Variants in CTCF observed in about 807,000 individuals in gnomAD.
CTCF encodes the protein CCCTC-binding factor.
In CTCF, 7 loss-of-function variants were observed where a neutral mutation model predicts 72.3. The ratio of observed to expected loss-of-function variants is 0.10; its 90% CI spans 0.06 to 0.18. CTCF has a LOEUF of 0.18. Ranked by LOEUF, CTCF falls within the 10% of genes least tolerant of loss-of-function variation. CTCF has a pLI of 1.00. For missense variants in CTCF, 516 were observed against 949.1 expected, an observed-to-expected ratio of 0.54 and a Z score of 6.00; for synonymous variants, 374 against 315.8, an observed-to-expected ratio of 1.18 and a Z score of -1.95.
intron 10 of CTCF, among the ~76,000 whole-genome samples, chr16:67,633,806 ACAC>A (rs1300616990): frequency 6.6e-6 from 1 of 151,772 alleles, no homozygotes; most frequent in African/African-American, 2.4e-5. Flanking sequence ...ACACACACAC[ACAC>A]ACACACTCTC....
At chr16:67,565,010 T>G (rs2051323529) in intron 1 of CTCF, among the ~76,000 whole-genome samples, 1 of 152,136 alleles carries the variant, frequency 6.6e-6, no homozygotes, top group African/African-American at 2.4e-5. Context: ...CAGACCTTTT[T>G]TTTTTTTTGA....
intron 10 of CTCF, among the ~76,000 whole-genome samples, chr16:67,631,167 T>TG (rs1372613289): frequency 1.8e-4 from 25 of 138,542 alleles, no homozygotes; most frequent in African/African-American, 4.4e-4. Context: ...TTTTTTTTGT[T>TG]TTTTGTTTTT....
chr16:67,620,530 T>C (rs931633878), intron 5 of CTCF, among the ~76,000 whole-genome samples, 167 bp from the exon 6 acceptor site: 1 of 152,212 alleles, frequency 6.6e-6, no homozygotes, highest in African/African-American at 2.4e-5. Flanking sequence ...ATGATATGGA[T>C]TCGAGAAGCA....
chr16:67,589,796 T>A (rs746666380), intron 2 of CTCF, among the ~76,000 whole-genome samples: 1 of 152,014 alleles, frequency 6.6e-6, no homozygotes, highest in Non-Finnish European at 1.5e-5. Context: ...TCCATTAACT[T>A]GAAAAAGAGC....
rs1489290410 is a variant in CTCF at position 67,621,514 on chromosome 16, T to C, written c.1280T>C (p.Leu427Ser). The change falls in exon 7 of 12, where the codon TTA becomes TCA. Residue 427 changes from leucine (L) to serine (S), a missense_variant. By Grantham distance (145) the Leu-to-Ser change is moderately radical. Coordinates refer to ENST00000264010, the MANE Select transcript of CTCF (RefSeq NM_006565.4). ...TQSGTMKMHI[L>S]QKHTENVAKF... ...AGTGGTACCATGAAGATGCACATTT[T>C]ACAGAAGCACACAGAAAATGTGGCC... 6.2e-7 allele frequency: 1 copy of C among 1,613,258 alleles called. No individual in the cohort carries two copies.
chr16:67,604,026 A>G (rs925972499), intron 2 of CTCF, among the ~76,000 whole-genome samples: 4 of 149,028 alleles, frequency 2.7e-5, no homozygotes, highest in Admixed American at 6.8e-5. Flanking sequence ...GCTACTCGGG[A>G]GGCTGAGGTG....
chr16:67,579,710 C>T, intron 2 of CTCF, among the ~76,000 whole-genome samples: 1 of 151,998 alleles, frequency 6.6e-6, no homozygotes, highest in Non-Finnish European at 1.5e-5. Context: ...AATCTTTTGC[C>T]ATTAGAGAAA....
At chr16:67,611,692 T>C in intron 3 of CTCF, 79 bp downstream of exon 3, 1 of 1,353,884 alleles carries the variant, frequency 7.4e-7, no homozygotes, top group Non-Finnish European at 1.0e-6. Context: ...GCAAGTTGTT[T>C]TATATTAACC....
intron 2 of CTCF, 124 bp from the exon 3 acceptor site, chr16:67,610,698 CTT>C: frequency 1.5e-6 from 1 of 645,918 alleles, no homozygotes; most frequent in Non-Finnish European, 2.4e-6. Flanking sequence ...TCTGTTGTGT[CTT>C]TTTTAATATT....
chr16:67,622,160 T>A (rs893566978), intron 7 of CTCF, among the ~76,000 whole-genome samples: 1 of 151,956 alleles, frequency 6.6e-6, no homozygotes, highest in Non-Finnish European at 1.5e-5. Flanking sequence ...ATCGAGACCA[T>A]TCTGGCTAAC....
At chr16:67,621,245 C>A in intron 6 of CTCF, 197 bp from the exon 7 acceptor site, 1 of 515,462 alleles carries the variant, frequency 1.9e-6, no homozygotes. Flanking sequence ...CTGGGCAGAG[C>A]AGAGGTGGCC....
chr16:67,609,165 A>G (rs1446744027), intron 2 of CTCF, among the ~76,000 whole-genome samples: 1 of 152,196 alleles, frequency 6.6e-6, no homozygotes, highest in Admixed American at 6.5e-5. Context: ...CCAGGAGTTC[A>G]AGGCCAGTCT....
chr16:67,621,368 C>A, intron 6 of CTCF, 74 bp from the exon 7 acceptor site: 5 of 1,140,158 alleles, frequency 4.4e-6, no homozygotes, highest in Non-Finnish European at 6.5e-6. Flanking sequence ...ATATCTGCCA[C>A]CTGAGTTACC....
rs1349111928 is a variant in CTCF, at chr16:67,606,542, T to A, written c.-9-4282T>A. On this transcript the variant is annotated intron_variant, in intron 2 of 11. Coordinates refer to ENST00000264010, the MANE Select transcript of CTCF (RefSeq NM_006565.4). ...GCCCGGCCCCTATTTTGCTCTTGTTTAGGTAATGTCATTCTCTCTGTAGTA... is the reference window on the plus strand; with the variant it reads ...GCCCGGCCCCTATTTTGCTCTTGTTAAGGTAATGTCATTCTCTCTGTAGTA... Among the ~76,000 whole-genome samples, 11 of 152,066 alleles carry A rather than the reference T, an allele frequency of 7.2e-5. 1 individual carries two copies. Among genetic ancestry groups the A allele is most frequent in the Admixed American group, 7.2e-4 (11 of 15,258 alleles).
At chr16:67,569,771 C>A (rs531062752) in intron 1 of CTCF, among the ~76,000 whole-genome samples, 1 of 151,282 alleles carries the variant, frequency 6.6e-6, no homozygotes, top group Non-Finnish European at 1.5e-5. Flanking sequence ...TTCCAACCTC[C>A]GGCTCCTGGG....
In CTCF at chr16:67,616,643, G is replaced by T. The variant is rs972607907; in HGVS notation, c.953-102G>T. The T allele has an allele frequency of 4.5e-6, 6 of 1,347,030 alleles. No homozygotes were observed. The Admixed American group carries it at 1.1e-4, about 25-fold the overall frequency. 83.4% of individuals were successfully genotyped at this position (1,347,030 alleles called of 1,614,324 possible). A position where few individuals can be genotyped will look rare whatever the true frequency, so the allele number is the denominator to read the frequency against. ...TTCAAGCTACTGCAGTTGATGGGATGAATAGGGTTCCAGTCTCATAGCAGT... is the reference window on the plus strand; with the variant it reads ...TTCAAGCTACTGCAGTTGATGGGATTAATAGGGTTCCAGTCTCATAGCAGT... On this transcript the variant is annotated intron_variant, in intron 4 of 11. Coordinates refer to ENST00000264010, the MANE Select transcript of CTCF (RefSeq NM_006565.4).
At chr16:67,609,143 G>C (rs752875793) in intron 2 of CTCF, among the ~76,000 whole-genome samples, 1 of 152,164 alleles carries the variant, frequency 6.6e-6, no homozygotes, top group Non-Finnish European at 1.5e-5. Flanking sequence ...TAGGTGGGAG[G>C]ATTGCTTCAG....
rs1325590906 is a variant in CTCF, at chr16:67,638,101, GT to G, written c.*230del. ...TGTTCTGAGTCCCTGAGGGTTTACT[GT>G]GAAGTGCTGAGGACAGTGTTGACAA... is the stretch of plus-strand genomic sequence containing the variant. On this transcript the variant is annotated 3_prime_UTR_variant, in exon 12 of 12. Transcript: ENST00000264010. The G allele has an allele frequency of 1.9e-6, 1 of 518,014 alleles. No homozygotes were observed. Among genetic ancestry groups the G allele is most frequent in the Non-Finnish European group, 3.4e-6 (1 of 291,064 alleles). The allele number at this position is 518,014 out of a possible 1,614,324, so 32.1% of individuals were successfully genotyped here.
intron 10 of CTCF, among the ~76,000 whole-genome samples, chr16:67,636,371 C>CAA (rs749027061): frequency 1.0e-5 from 1 of 96,232 alleles, no homozygotes; most frequent in Non-Finnish European, 2.2e-5. Flanking sequence ...GACTCTGTCT[C>CAA]AAAAAAAAAA....
Sources: gnomAD v4.1 joint callset for allele counts (sites outside exome capture counted in the v4.1 genomes callset) on GRCh38, gnomAD v4.1.1 for gene constraint, MANE v1.5 for transcripts, NCBI Gene and HGNC (gene_info 2026-07-23, HGNC 2026-07-21) for gene names.